Variants in MRPS35 observed in about 807,000 individuals in gnomAD.
The protein encoded by MRPS35 is mitochondrial ribosomal protein S35.
In MRPS35, 29 loss-of-function variants were observed where a neutral mutation model predicts 32.7. That is an observed-to-expected ratio of 0.89 (90% confidence interval 0.66 to 1.21). MRPS35 has a LOEUF of 1.21. Ranked by LOEUF, MRPS35 falls within the 50% of genes most tolerant of loss-of-function variation. The pLI is 0.00. For missense variants in MRPS35, 373 were observed against 383.8 expected (o/e 0.97, Z 0.23); for synonymous variants, 148 against 139.3 (o/e 1.06, Z -0.44).
intron 4 of MRPS35, among the ~76,000 whole-genome samples, chr12:27,720,394 CAAAA>C (rs11414370): frequency 2.0e-5 from 2 of 101,668 alleles, no homozygotes; most frequent in Admixed American, 1.1e-4. Flanking sequence ...AACGCCATCT[CAAAA>C]AAAAAAAAAA....
chr12:27,752,647 T>G (rs1428022351), intron 7 of MRPS35, among the ~76,000 whole-genome samples: 2 of 152,256 alleles, frequency 1.3e-5, no homozygotes, highest in African/African-American at 2.4e-5. Context: ...ACTATGACAT[T>G]GTCTTGAAAC....
chr12:27,721,025 C>T (rs2061871980), intron 4 of MRPS35, among the ~76,000 whole-genome samples: 2 of 152,110 alleles, frequency 1.3e-5, no homozygotes, highest in African/African-American at 4.8e-5. Flanking sequence ...ATTACATGCT[C>T]AGTATACTTA....
At chr12:27,731,807 G>A (rs981708243) in intron 5 of MRPS35, among the ~76,000 whole-genome samples, 7 of 152,096 alleles carry the variant, frequency 4.6e-5, no homozygotes, top group African/African-American at 7.2e-5. Context: ...GACCTCAAGC[G>A]TTCCTCCCTC....
intron 7 of MRPS35, among the ~76,000 whole-genome samples, chr12:27,746,546 G>A (rs545458943): frequency 1.3e-5 from 2 of 152,304 alleles, no homozygotes; most frequent in South Asian, 4.2e-4. Context: ...GCAAGGAAAT[G>A]GAGGGATTTT....
At chr12:27,725,655 G>C in intron 5 of MRPS35, 1 of 179,856 alleles carries the variant, frequency 5.6e-6, no homozygotes, top group Non-Finnish European at 1.2e-5. Context: ...CATATTACCT[G>C]TCAACTTGAT....
chr12:27,719,074 G>A (rs1251772946), intron 3 of MRPS35, among the ~76,000 whole-genome samples: 6 of 152,068 alleles, frequency 3.9e-5, no homozygotes, highest in Non-Finnish European at 7.4e-5. Flanking sequence ...GTGACAGAGC[G>A]AGACCCTGTC....
intron 5 of MRPS35, among the ~76,000 whole-genome samples, chr12:27,730,357 T>C (rs1311899805): frequency 6.6e-6 from 1 of 150,832 alleles, no homozygotes; most frequent in Non-Finnish European, 1.5e-5. Flanking sequence ...TAGAATGTCT[T>C]TCAACTTGTT....
intron 7 of MRPS35, 126 bp downstream of exon 7, chr12:27,737,734 A>T: frequency 1.4e-6 from 1 of 702,280 alleles, no homozygotes; most frequent in Non-Finnish European, 2.4e-6. Flanking sequence ...CTAAGTATGT[A>T]TGAAATGTCA....
chr12:27,733,020 A>C (rs1180696864), intron 5 of MRPS35, among the ~76,000 whole-genome samples: 2 of 36,388 alleles, frequency 5.5e-5, no homozygotes, highest in Non-Finnish European at 1.2e-4. Flanking sequence ...ATATATATAT[A>C]TATATATATA....
chr12:27,712,970 C>G (rs964142880), intron 1 of MRPS35, among the ~76,000 whole-genome samples: 2 of 152,202 alleles, frequency 1.3e-5, no homozygotes, highest in Non-Finnish European at 2.9e-5. Flanking sequence ...GAGCCGTAAT[C>G]GCACCACTGC....
intron 4 of MRPS35, among the ~76,000 whole-genome samples, chr12:27,720,160 G>A (rs541975960): frequency 1.8e-4 from 28 of 152,230 alleles, no homozygotes; most frequent in African/African-American, 6.7e-4. Flanking sequence ...GGAAGGCCGA[G>A]GCGGGCAGAC....
chr12:27,737,516 T>G (rs776763074), intron 6 of MRPS35, 23 bp from the exon 7 acceptor site: 56 of 1,602,140 alleles, frequency 3.5e-5, no homozygotes, highest in Non-Finnish European at 4.4e-5. Flanking sequence ...GAATTTTGAC[T>G]TCTCCCGCTT....
intron 5 of MRPS35, among the ~76,000 whole-genome samples, chr12:27,728,735 C>G (rs1565467065): frequency 6.6e-6 from 1 of 152,060 alleles, no homozygotes; most frequent in Non-Finnish European, 1.5e-5. Context: ...ATGAATTTGA[C>G]TTGTTAAAGA....
At chr12:27,716,741 A>G (rs903454921) in intron 3 of MRPS35, among the ~76,000 whole-genome samples, 3 of 152,216 alleles carry the variant, frequency 2.0e-5, no homozygotes, top group African/African-American at 7.2e-5. Context: ...TAATCCTGGC[A>G]CTTTGGGAGG....
chr12:27,714,908 C>T, intron 2 of MRPS35, 88 bp downstream of exon 2: 1 of 1,160,288 alleles, frequency 8.6e-7, no homozygotes, highest in Non-Finnish European at 1.3e-6. Flanking sequence ...AGGGTGTTAC[C>T]AGAGAAGACT....
intron 4 of MRPS35, 86 bp from the exon 5 acceptor site, chr12:27,723,961 C>CAGTA: frequency 7.6e-7 from 1 of 1,310,398 alleles, no homozygotes; most frequent in Non-Finnish European, 1.0e-6. Flanking sequence ...GTGATGCTCT[C>CAGTA]AGTAATTTGG....
chr12:27,722,810 G>A (rs1044660425), intron 4 of MRPS35, among the ~76,000 whole-genome samples: 3 of 152,170 alleles, frequency 2.0e-5, no homozygotes, highest in Non-Finnish European at 4.4e-5. Context: ...TTGTTAACAT[G>A]TTTAGTCCCA....
chr12:27,729,983 A>G (rs1334405511), intron 5 of MRPS35, among the ~76,000 whole-genome samples: 3 of 152,218 alleles, frequency 2.0e-5, no homozygotes, highest in Non-Finnish European at 4.4e-5. Context: ...TACTTTTTAA[A>G]ATTAAACTTT....
At chr12:27,751,124 A>AAGAAG (rs2062001184) in intron 7 of MRPS35, among the ~76,000 whole-genome samples, 1 of 147,382 alleles carries the variant, frequency 6.8e-6, no homozygotes, top group East Asian at 2.1e-4. Flanking sequence ...AAAAAAAAAA[A>AAGAAG]AAGAAAAGAA....
Sources: allele counts gnomAD v4.1 joint callset (sites outside exome capture counted in the v4.1 genomes callset), GRCh38; gene constraint gnomAD v4.1.1; transcripts MANE v1.5; gene names NCBI Gene and HGNC (gene_info 2026-07-23, HGNC 2026-07-21).